The following KCTD3 variants were observed in gnomAD, a reference collection of about 807,000 sequenced individuals.
KCTD3 encodes the protein BTB/POZ domain-containing protein KCTD3.
Under a neutral mutation model 85.8 loss-of-function variants are expected in KCTD3, and 41 were observed. The ratio of observed to expected loss-of-function variants is 0.48; its 90% CI spans 0.37 to 0.62. The LOEUF is 0.62. Ranked by LOEUF, KCTD3 falls within the 20% of genes least tolerant of loss-of-function variation. KCTD3 has a pLI of 0.00. For synonymous variants in KCTD3, 338 were observed against 345.4 expected (o/e 0.98, Z 0.24); for missense variants, 724 against 989.9 (o/e 0.73, Z 3.60).
At position 215,579,072 on chromosome 1, in the gene KCTD3, G is replaced by T. The variant is rs189661596; in HGVS notation, c.470G>T (p.Gly157Val). ...DSRNGLNSTE[G>V]EARGNGTQPV... ...AGGAATGGTCTAAATTCTACAGAAG[G>T]TGAAGCCCGGGGAAATGGTACACAG... Residue 157 changes from glycine (G) to valine (V), a missense_variant, in exon 7 of 18, where the codon GGT becomes GTT. Transcript: ENST00000259154. 2 of 1,597,324 alleles carry T rather than the reference G, an allele frequency of 1.3e-6. No individual in the cohort carries two copies. The highest frequency in any genetic ancestry group is 1.4e-5 in the African/African-American group (1 of 73,526).
intron 2 of KCTD3, 61 bp downstream of exon 2, chr1:215,573,900 G>A: frequency 8.8e-7 from 1 of 1,131,180 alleles, no homozygotes; most frequent in South Asian, 1.5e-5. Context: ...ATATAATAAT[G>A]TTTGTCAGTT....
At chr1:215,585,703 C>A (rs1659980973) in intron 8 of KCTD3, among the ~76,000 whole-genome samples, 1 of 152,274 alleles carries the variant, frequency 6.6e-6, no homozygotes, top group Non-Finnish European at 1.5e-5. Flanking sequence ...GGCTGCTATA[C>A]ATATAATCGC....
rs530803327 is a variant in KCTD3, at chr1:215,611,363, C to G, written c.1466-462C>G. On this transcript the variant is annotated intron_variant, in intron 14 of 17. Transcript: ENST00000259154. ...AAAGAAGAAATGTGGTTAACAGAAG[C>G]TTCAACTAATTACATTCCATCTGAT... Among the ~76,000 whole-genome samples, 6 of 151,874 alleles carry G rather than the reference C, an allele frequency of 4.0e-5. No individual in the cohort carries two copies. The East Asian group carries it at 1.2e-3, about 29-fold the overall frequency.
intron 8 of KCTD3, among the ~76,000 whole-genome samples, chr1:215,584,286 G>T (rs528653903): frequency 2.9e-4 from 44 of 152,238 alleles, no homozygotes; most frequent in African/African-American, 8.4e-4. Flanking sequence ...CCTATTTTCA[G>T]TCTTTCATTT....
At chr1:215,580,798 A>G (rs938632376) in intron 8 of KCTD3, among the ~76,000 whole-genome samples, 2 of 152,198 alleles carry the variant, frequency 1.3e-5, no homozygotes, top group Non-Finnish European at 2.9e-5. Flanking sequence ...AAAAATATCT[A>G]AAATGTCTTC....
At chr1:215,598,278 G>C (rs1571888688) in intron 10 of KCTD3, among the ~76,000 whole-genome samples, 1 of 152,240 alleles carries the variant, frequency 6.6e-6, no homozygotes, top group East Asian at 1.9e-4. Context: ...AGTTTGATGT[G>C]TGTTTGGTGT....
intron 3 of KCTD3, among the ~76,000 whole-genome samples, chr1:215,574,968 T>C (rs1659517082): frequency 6.6e-6 from 1 of 152,120 alleles, no homozygotes; most frequent in South Asian, 2.1e-4. Flanking sequence ...TTATCAATTA[T>C]GGGCTGGGTG....
At chr1:215,600,885 G>A (rs983812170) in intron 10 of KCTD3, among the ~76,000 whole-genome samples, 3 of 151,992 alleles carry the variant, frequency 2.0e-5, no homozygotes, top group African/African-American at 7.2e-5. Flanking sequence ...TCATTTTGAT[G>A]AATAGTAGAA....
chr1:215,601,214 G>A (rs1233871829), intron 10 of KCTD3, among the ~76,000 whole-genome samples: 3 of 152,106 alleles, frequency 2.0e-5, no homozygotes, highest in African/African-American at 7.2e-5. Flanking sequence ...GCACAAATAT[G>A]GGAAGGTATT....
intron 10 of KCTD3, among the ~76,000 whole-genome samples, chr1:215,599,546 G>C (rs974204811): frequency 6.6e-6 from 1 of 152,110 alleles, no homozygotes; most frequent in African/African-American, 2.4e-5. Context: ...TTTTATATTT[G>C]TGACCACATG....
At chr1:215,619,940 T>G (rs1276066193) in intron 17 of KCTD3, 117 bp from the exon 18 acceptor site, 1 of 626,770 alleles carries the variant, frequency 1.6e-6, no homozygotes, top group Non-Finnish European at 2.5e-6. Context: ...AAGAGAAATA[T>G]GGATATAATA....
chr1:215,586,721 T>G, intron 9 of KCTD3, 36 bp downstream of exon 9: 1 of 1,541,990 alleles, frequency 6.5e-7, no homozygotes, highest in Non-Finnish European at 8.9e-7. Flanking sequence ...AATTTGATGA[T>G]ATTAATATTT....
chr1:215,582,378 C>G (rs1659856113), intron 8 of KCTD3, among the ~76,000 whole-genome samples: 1 of 152,132 alleles, frequency 6.6e-6, no homozygotes, highest in Non-Finnish European at 1.5e-5. Context: ...GGCATGTCCT[C>G]TCTACTGTAT....
At chr1:215,618,183 T>A in intron 15 of KCTD3, 2 of 458,230 alleles carry the variant, frequency 4.4e-6, no homozygotes, top group Non-Finnish European at 9.1e-6. Context: ...TAGAGTTGAT[T>A]GTTGCATGAG....
chr1:215,611,981 A>G, intron 15 of KCTD3, 60 bp downstream of exon 15: 1 of 1,131,150 alleles, frequency 8.8e-7, no homozygotes, highest in Non-Finnish European at 1.3e-6. Flanking sequence ...TACAAAACAT[A>G]TGGCATAATT....
chr1:215,577,899 T>C, intron 5 of KCTD3, 102 bp from the exon 6 acceptor site: 1 of 1,509,002 alleles, frequency 6.6e-7, no homozygotes, highest in Non-Finnish European at 9.0e-7. Flanking sequence ...ATTAAAATTT[T>C]CCTTTTCTTT....
At position 215,620,871 on chromosome 1, in the gene KCTD3, C is replaced by T. The variant is rs1206205222; in HGVS notation, c.*253C>T. 1.2e-5 allele frequency: 5 copies of T among 431,998 alleles called. No homozygotes were observed. The highest frequency in any genetic ancestry group is 4.1e-5 in the African/African-American group (2 of 48,792). 26.8% of individuals were successfully genotyped at this position (431,998 alleles called of 1,614,324 possible). A position where few individuals can be genotyped will look rare whatever the true frequency, so the allele number is the denominator to read the frequency against. Reference sequence around the variant, plus strand: ...AGCAGGAGTCCATTTTAACACTTACCGACTTTTTTTGGTTTGGAAACATAT... The same window carrying T: ...AGCAGGAGTCCATTTTAACACTTACTGACTTTTTTTGGTTTGGAAACATAT... On this transcript the variant is annotated 3_prime_UTR_variant, in exon 18 of 18. Transcript: ENST00000259154.
chr1:215,577,771 G>T, intron 5 of KCTD3, 43 bp downstream of exon 5: 1 of 1,410,110 alleles, frequency 7.1e-7, no homozygotes, highest in Non-Finnish European at 1.0e-6. Context: ...TTTGACTCAT[G>T]TATGAAAGTT....
chr1:215,568,042 C>T (rs1220602913), intron 1 of KCTD3, among the ~76,000 whole-genome samples: 3 of 152,190 alleles, frequency 2.0e-5, no homozygotes, highest in Non-Finnish European at 2.9e-5. Flanking sequence ...CCAACCTTTG[C>T]CCCTCCCAAC....
Sources: gnomAD v4.1 joint callset for allele counts (sites outside exome capture counted in the v4.1 genomes callset) on GRCh38, gnomAD v4.1.1 for gene constraint, MANE v1.5 for transcripts, NCBI Gene and HGNC (gene_info 2026-07-23, HGNC 2026-07-21) for gene names.